Variants in STAM observed in about 807,000 individuals in gnomAD.
STAM encodes signal transducing adapter molecule 1.
In STAM, 16 loss-of-function variants were observed where a neutral mutation model predicts 63.4. The ratio of observed to expected loss-of-function variants is 0.25; its 90% CI spans 0.17 to 0.38. The LOEUF (loss-of-function observed/expected upper bound fraction) is 0.38, where lower values mean the gene tolerates loss of function less well. Among genes scored for constraint, STAM ranks in the 10% least tolerant of loss-of-function variants. STAM has a pLI of 1.00. For synonymous variants in STAM, 238 were observed against 223.9 expected (o/e 1.06, Z -0.56); for missense variants, 636 against 657.1 (o/e 0.97, Z 0.35).
chr10:17,678,720 A>G (rs1554824940), intron 2 of STAM, among the ~76,000 whole-genome samples: 1 of 152,196 alleles, frequency 6.6e-6, no homozygotes, highest in Non-Finnish European at 1.5e-5. Flanking sequence ...CAACACCACT[A>G]TCCATTTTCA....
At chr10:17,646,568 A>T (rs1833528089) in intron 1 of STAM, among the ~76,000 whole-genome samples, 1 of 152,202 alleles carries the variant, frequency 6.6e-6, no homozygotes, top group African/African-American at 2.4e-5. Flanking sequence ...GTGTCAGTTG[A>T]GCCTGCCAGA....
chr10:17,684,962 A>G (rs1835235161), intron 4 of STAM, 35 bp downstream of exon 4: 1 of 1,529,790 alleles, frequency 6.5e-7, no homozygotes, highest in South Asian at 1.1e-5. Flanking sequence ...TAATTAAGGC[A>G]GTCTTCTTTC....
chr10:17,671,958 A>G (rs782721640), intron 2 of STAM, among the ~76,000 whole-genome samples: 12 of 152,298 alleles, frequency 7.9e-5, no homozygotes, highest in Middle Eastern at 6.8e-3. Flanking sequence ...AATTTCCTTT[A>G]GAGTATACAA....
chr10:17,696,986 C>G (rs112528084), intron 8 of STAM, 117 bp downstream of exon 8: 1 of 731,242 alleles, frequency 1.4e-6, no homozygotes, highest in Non-Finnish European at 2.3e-6. Flanking sequence ...GTGGTGCGAG[C>G]TCGGATCATT....
chr10:17,692,019 A>T (rs1835557986), intron 5 of STAM, among the ~76,000 whole-genome samples: 1 of 152,198 alleles, frequency 6.6e-6, no homozygotes, highest in Non-Finnish European at 1.5e-5. Context: ...ACCCTGAATG[A>T]GCCCATCTCA....
chr10:17,691,518 A>ATAAATAAG (rs1835535708), intron 5 of STAM, among the ~76,000 whole-genome samples: 1 of 152,190 alleles, frequency 6.6e-6, no homozygotes, highest in African/African-American at 2.4e-5. Flanking sequence ...ACTCAAATAA[A>ATAAATAAG]TAAATAAATA....
Position 17,715,904 on chromosome 10 carries a change from A to C in STAM, c.*1124A>C, listed in dbSNP as rs1836795035. The C allele has an allele frequency of 1.3e-5, 2 of 152,654 alleles. No homozygotes were observed. The highest frequency in any genetic ancestry group is 2.9e-5 in the Non-Finnish European group (2 of 68,032). 9.5% of individuals were successfully genotyped at this position (152,654 alleles called of 1,614,324 possible). A position where few individuals can be genotyped will look rare whatever the true frequency, so the allele number is the denominator to read the frequency against. On this transcript the variant is annotated 3_prime_UTR_variant, in exon 14 of 14. Coordinates refer to ENST00000377524, the MANE Select transcript of STAM (RefSeq NM_003473.4). Reference sequence around the variant, plus strand: ...TAAAATGGAAATAAGTAGATGTTTCAAAGTAATCTACATTCCTGGCTTTGC... The same window carrying C: ...TAAAATGGAAATAAGTAGATGTTTCCAAGTAATCTACATTCCTGGCTTTGC...
At position 17,704,342 on chromosome 10, in the gene STAM, T is replaced by G. The variant is rs1465586599; in HGVS notation, c.913-89T>G. The stretch of plus-strand genomic sequence containing the variant: ...ATTGGAGTCTCCATAACTATGAATT[T>G]CAAAAGTTTGTCTAGTTGATAATAA... On this transcript the variant is annotated intron_variant, in intron 9 of 13. Coordinates refer to ENST00000377524, the MANE Select transcript of STAM (RefSeq NM_003473.4). 19 of 1,161,958 alleles carry G rather than the reference T, an allele frequency of 1.6e-5. No homozygotes were observed. In the East Asian group the frequency reaches 4.2e-4, roughly 26 times the overall value. 72.0% of individuals were successfully genotyped at this position (1,161,958 alleles called of 1,614,324 possible).
intron 6 of STAM, among the ~76,000 whole-genome samples, 178 bp downstream of exon 6, chr10:17,693,490 T>A (rs1554827071): frequency 6.6e-6 from 1 of 152,212 alleles, no homozygotes; most frequent in Admixed American, 6.5e-5. Context: ...ATCCTTTCAG[T>A]CTATGTTTTT....
At chr10:17,652,070 G>A (rs1833763197) in intron 1 of STAM, among the ~76,000 whole-genome samples, 1 of 152,284 alleles carries the variant, frequency 6.6e-6, no homozygotes, top group South Asian at 2.1e-4. Flanking sequence ...TTAGTGTAAG[G>A]ATATTCTCAG....
intron 13 of STAM, 54 bp from the exon 14 acceptor site, chr10:17,714,489 T>C: frequency 6.7e-7 from 1 of 1,496,276 alleles, no homozygotes; most frequent in East Asian, 2.3e-5. Flanking sequence ...CATTTATCTG[T>C]AGTTGCTCTA....
chr10:17,660,234 TA>T (rs1410118734), intron 1 of STAM, among the ~76,000 whole-genome samples: 3 of 152,200 alleles, frequency 2.0e-5, no homozygotes, highest in African/African-American at 7.2e-5. Flanking sequence ...CAATGCCTTT[TA>T]TTTTATACTA....
rs1158407929 is a variant in STAM, at chr10:17,716,465, G to A, written c.*1685G>A. Among the ~76,000 whole-genome samples, 1 of 151,970 alleles carries A rather than the reference G, an allele frequency of 6.6e-6. No homozygotes were observed. The highest frequency in any genetic ancestry group is 1.5e-5 in the Non-Finnish European group (1 of 67,976). On this transcript the variant is annotated 3_prime_UTR_variant, in exon 14 of 14. Coordinates refer to ENST00000377524, the MANE Select transcript of STAM (RefSeq NM_003473.4). ...TCCTGTGTTTAAAATATGTTGCCCT[G>A]CCCTGAAGTCAAATTTCACATTTTA...
intron 9 of STAM, 86 bp from the exon 10 acceptor site, chr10:17,704,343 CAA>C: frequency 8.5e-7 from 1 of 1,178,934 alleles, no homozygotes; most frequent in Non-Finnish European, 1.2e-6. Context: ...CTATGAATTT[CAA>C]AAGTTTGTCT....
intron 2 of STAM, among the ~76,000 whole-genome samples, chr10:17,681,969 T>G (rs1425789226): frequency 1.3e-5 from 2 of 152,250 alleles, no homozygotes; most frequent in Admixed American, 1.3e-4. Context: ...CCCCATGAAA[T>G]GCATGTTTGC....
chr10:17,708,811 G>C lies in STAM; in HGVS notation c.1245G>C (p.Leu415=). The C allele has an allele frequency of 1.2e-6, 2 of 1,613,964 alleles. No homozygotes were observed. Among genetic ancestry groups the C allele is most frequent in the African/African-American group, 2.7e-5 (2 of 75,012 alleles). ...YAGPPPSGAY[L]VAGNAQMSHL... ...GGCCTCCTCCAAGTGGTGCCTACCT[G>C]GTTGCAGGGAACGCGCAGATGAGCC... Residue 415 remains leucine, a synonymous_variant, in exon 13 of 14, where the codon CTG becomes CTC. Coordinates refer to ENST00000377524, the MANE Select transcript of STAM (RefSeq NM_003473.4).
intron 1 of STAM, among the ~76,000 whole-genome samples, chr10:17,646,567 G>T (rs1833527990): frequency 6.6e-6 from 1 of 152,186 alleles, no homozygotes; most frequent in Non-Finnish European, 1.5e-5. Context: ...TGTGTCAGTT[G>T]AGCCTGCCAG....
chr10:17,665,984 T>C (rs782212700), intron 2 of STAM, among the ~76,000 whole-genome samples: 20 of 152,182 alleles, frequency 1.3e-4, no homozygotes, highest in Non-Finnish European at 2.9e-5. Flanking sequence ...ACTTTCACAA[T>C]GATAATAGCC....
intron 4 of STAM, 66 bp from the exon 5 acceptor site, chr10:17,687,961 A>C (rs1835362308): frequency 1.5e-6 from 2 of 1,349,104 alleles, no homozygotes; most frequent in African/African-American, 3.0e-5. Context: ...TTTACTATTT[A>C]AAATGTCTGT....
Sources: gnomAD v4.1 joint callset for allele counts (sites outside exome capture counted in the v4.1 genomes callset) on GRCh38, gnomAD v4.1.1 for gene constraint, MANE v1.5 for transcripts, NCBI Gene and HGNC (gene_info 2026-07-23, HGNC 2026-07-21) for gene names.